The following BNC2 variants were observed in gnomAD, a reference collection of about 807,000 sequenced individuals.
The protein encoded by BNC2 is zinc finger protein basonuclin-2.
Under a neutral mutation model 76.3 loss-of-function variants are expected in BNC2, and 20 were observed. That is an observed-to-expected ratio of 0.26 (90% CI 0.18 to 0.38). BNC2 has a LOEUF of 0.38. Among genes scored for constraint, BNC2 ranks in the 10% least tolerant of loss-of-function variants. The pLI, the probability that BNC2 is intolerant of heterozygous loss-of-function variation, is 1.00. For synonymous variants in BNC2, 582 were observed against 514.8 expected (o/e 1.13, Z -1.77); for missense variants, 1,382 against 1,399.8 (o/e 0.99, Z 0.20).
intron 5 of BNC2, among the ~76,000 whole-genome samples, chr9:16,467,642 T>C (rs1045633184): frequency 7.3e-6 from 1 of 137,134 alleles, no homozygotes; most frequent in Non-Finnish European, 1.5e-5. Context: ...TGAGATCACA[T>C]GGACACAGGA....
chr9:16,640,883 A>G (rs1372239399), intron 3 of BNC2, among the ~76,000 whole-genome samples: 1 of 152,152 alleles, frequency 6.6e-6, no homozygotes, highest in East Asian at 1.9e-4. Flanking sequence ...TTACAGTGAA[A>G]CTAACACTAG....
intron 1 of BNC2, among the ~76,000 whole-genome samples, chr9:16,777,413 G>A (rs1028331243): frequency 6.6e-6 from 1 of 151,888 alleles, no homozygotes; most frequent in South Asian, 2.1e-4. Context: ...CATAAGAACT[G>A]TTAGGGGCTG....
chr9:16,534,570 T>C (rs1818073831), intron 5 of BNC2, among the ~76,000 whole-genome samples: 2 of 152,140 alleles, frequency 1.3e-5, no homozygotes, highest in African/African-American at 4.8e-5. Context: ...TGGAAACAAA[T>C]AATGCACTAA....
chr9:16,463,519 A>G (rs1323227424), intron 5 of BNC2, among the ~76,000 whole-genome samples: 1 of 141,934 alleles, frequency 7.0e-6, no homozygotes, highest in Non-Finnish European at 1.5e-5. Context: ...GATGGTCTCA[A>G]TCTCCTGACC....
intron 5 of BNC2, among the ~76,000 whole-genome samples, chr9:16,455,840 A>G (rs1821436763): frequency 6.6e-6 from 1 of 152,094 alleles, no homozygotes; most frequent in Non-Finnish European, 1.5e-5. Flanking sequence ...CTAAGGTATA[A>G]AATATAAAAG....
intron 5 of BNC2, among the ~76,000 whole-genome samples, chr9:16,472,266 CCT>C (rs948412949): frequency 3.3e-5 from 5 of 152,170 alleles, no homozygotes; most frequent in African/African-American, 1.2e-4. Flanking sequence ...TTCTCCTTCC[CCT>C]CTCACTTCCT....
At chr9:16,846,633 C>G (rs1192619593) in intron 1 of BNC2, among the ~76,000 whole-genome samples, 1 of 152,192 alleles carries the variant, frequency 6.6e-6, no homozygotes, top group East Asian at 1.9e-4. Flanking sequence ...TTCATACAAG[C>G]TGGTGCATAT....
intron 3 of BNC2, among the ~76,000 whole-genome samples, chr9:16,592,956 T>C (rs1819973717): frequency 6.6e-6 from 1 of 152,152 alleles, no homozygotes; most frequent in Admixed American, 6.6e-5. Flanking sequence ...ACTGCCATTT[T>C]TCTATCCGGA....
chr9:16,463,902 C>A (rs1022605306), intron 5 of BNC2, among the ~76,000 whole-genome samples: 14 of 151,816 alleles, frequency 9.2e-5, no homozygotes, highest in African/African-American at 3.1e-4. Flanking sequence ...TTGAGACCAC[C>A]TGGGCCAACA....
chr9:16,614,604 T>C (rs185302127), intron 3 of BNC2, among the ~76,000 whole-genome samples: 1 of 152,044 alleles, frequency 6.6e-6, no homozygotes, highest in East Asian at 1.9e-4. Context: ...TTCTGGGGTA[T>C]TGTTCCCTTT....
intron 1 of BNC2, among the ~76,000 whole-genome samples, chr9:16,755,634 T>C (rs1485033188): frequency 6.6e-6 from 1 of 152,090 alleles, no homozygotes; most frequent in Non-Finnish European, 1.5e-5. Context: ...TAAATGTCTA[T>C]ATTTAGCCTA....
intron 1 of BNC2, among the ~76,000 whole-genome samples, chr9:16,810,385 C>A (rs905762752): frequency 6.6e-6 from 1 of 152,202 alleles, no homozygotes; most frequent in Non-Finnish European, 1.5e-5. Flanking sequence ...GTGAAAAGAC[C>A]AGTCCTCACC....
intron 1 of BNC2, among the ~76,000 whole-genome samples, chr9:16,745,383 T>C (rs1824971374): frequency 6.6e-6 from 1 of 152,194 alleles, no homozygotes; most frequent in African/African-American, 2.4e-5. Flanking sequence ...AATATGGATA[T>C]TCAGCTGCTG....
chr9:16,810,205 A>G (rs1406320651), intron 1 of BNC2, among the ~76,000 whole-genome samples: 1 of 152,222 alleles, frequency 6.6e-6, no homozygotes, highest in Non-Finnish European at 1.5e-5. Context: ...CCTGTCTACT[A>G]GGGCCCACTG....
intron 5 of BNC2, among the ~76,000 whole-genome samples, chr9:16,542,266 T>C (rs1307646716): frequency 6.6e-6 from 1 of 151,982 alleles, no homozygotes; most frequent in Non-Finnish European, 1.5e-5. Context: ...AGAAAATACA[T>C]CCCAGACAAT....
chr9:16,727,664 C>G (rs1302051674), intron 3 of BNC2, 133 bp downstream of exon 3: 1 of 750,220 alleles, frequency 1.3e-6, no homozygotes, highest in South Asian at 1.9e-5. Flanking sequence ...TATGACAAAA[C>G]AAGAGCCTAA....
At position 16,583,020 on chromosome 9, in the gene BNC2, C is replaced by T. The variant is rs1819670678; in HGVS notation, c.396G>A (p.Arg132=). ...AGCCATGTTTACACTGATCACAAGT[C>T]CTCAGGTTAATCTTCCCTGGCTGAA... ...ECFQPGKINL[R]TCDQCKHGWV... The change falls in exon 4 of 7, where the codon AGG becomes AGA. Residue 132 remains arginine (R), a synonymous_variant. Coordinates refer to ENST00000380672, the MANE Select transcript of BNC2 (RefSeq NM_017637.6). 1.2e-6 allele frequency: 2 copies of T among 1,613,794 alleles called. No homozygotes were observed. Among genetic ancestry groups the T allele is most frequent in the Admixed American group, 3.3e-5 (2 of 59,976 alleles).
chr9:16,859,032 A>G (rs1033118261), intron 1 of BNC2, among the ~76,000 whole-genome samples: 1 of 152,194 alleles, frequency 6.6e-6, no homozygotes, highest in Non-Finnish European at 1.5e-5. Flanking sequence ...ATTTAAAAAT[A>G]GGTGAAGGAC....
At chr9:16,718,542 C>T (rs951955033) in intron 3 of BNC2, among the ~76,000 whole-genome samples, 3 of 152,102 alleles carry the variant, frequency 2.0e-5, no homozygotes, top group Non-Finnish European at 4.4e-5. Flanking sequence ...GAGACTCATC[C>T]TGGTGTCTCT....
Sources: gnomAD v4.1 joint callset for allele counts (sites outside exome capture counted in the v4.1 genomes callset) on GRCh38, gnomAD v4.1.1 for gene constraint, MANE v1.5 for transcripts, NCBI Gene and HGNC (gene_info 2026-07-23, HGNC 2026-07-21) for gene names.